Variants in FGF14 observed in about 807,000 individuals in gnomAD.
FGF14 encodes fibroblast growth factor 14.
In FGF14, 5 loss-of-function variants were observed where a neutral mutation model predicts 25.5. That is an observed-to-expected ratio of 0.20 (90% CI 0.10 to 0.41). The LOEUF is 0.41. FGF14 is among the 10% of genes least tolerant of loss of function. The pLI, the probability that FGF14 is intolerant of heterozygous loss-of-function variation, is 1.00. For missense variants in FGF14, 222 were observed against 320.1 expected, an observed-to-expected ratio of 0.69 and a Z score of 2.34; for synonymous variants, 138 against 118.3, an observed-to-expected ratio of 1.17 and a Z score of -1.08.
At chr13:102,163,936 A>G (rs2047889811) in intron 1 of FGF14, among the ~76,000 whole-genome samples, 2 of 152,134 alleles carry the variant, frequency 1.3e-5, no homozygotes, top group Admixed American at 6.6e-5. Flanking sequence ...AGAAATAGTG[A>G]AAACCTAACT....
intron 1 of FGF14, among the ~76,000 whole-genome samples, chr13:102,075,933 A>G (rs1117221): frequency 0.034 from 5,243 of 152,302 alleles, 287 homozygotes; most frequent in African/African-American, 0.12. Context: ...ACCTTACAGA[A>G]TAAGAATATA....
chr13:102,261,809 TAA>T (rs2052729849), intron 1 of FGF14, among the ~76,000 whole-genome samples: 1 of 152,174 alleles, frequency 6.6e-6, no homozygotes, highest in South Asian at 2.1e-4. Context: ...ACCCTAAAAA[TAA>T]AATAGGGGGT....
At chr13:102,122,463 A>C (rs1438091302) in intron 1 of FGF14, among the ~76,000 whole-genome samples, 1 of 152,174 alleles carries the variant, frequency 6.6e-6, no homozygotes, top group Non-Finnish European at 1.5e-5. Context: ...CCCCTTGCAT[A>C]GATATTATGA....
intron 3 of FGF14, among the ~76,000 whole-genome samples, chr13:101,796,454 G>A (rs1415359875): frequency 6.6e-6 from 1 of 151,808 alleles, no homozygotes; most frequent in Admixed American, 6.6e-5. Flanking sequence ...TGTTTTTGTG[G>A]CCTCTTACCA....
rs2057607560 is a variant in FGF14, at chr13:102,362,895, T to C, written c.208+38576A>G. Among the ~76,000 whole-genome samples, 3 of 152,230 alleles carry C rather than the reference T, an allele frequency of 2.0e-5. No individual in the cohort carries two copies. In the South Asian group the frequency reaches 6.2e-4, roughly 32 times the overall value. On this transcript the variant is annotated intron_variant, in intron 1 of 4. Transcript: ENST00000376131. ...TAATAACTATCTTTATCTAATCATATCATGAAGGGAAAAACTTACATGTTA... is the reference window on the plus strand; with the variant it reads ...TAATAACTATCTTTATCTAATCATACCATGAAGGGAAAAACTTACATGTTA...
chr13:101,980,935 G>C (rs929172245), intron 1 of FGF14, among the ~76,000 whole-genome samples: 1 of 152,116 alleles, frequency 6.6e-6, no homozygotes, highest in Non-Finnish European at 1.5e-5. Flanking sequence ...AACGGAGTAA[G>C]TACTGTTATA....
At chr13:102,147,227 G>C (rs2046890981) in intron 1 of FGF14, among the ~76,000 whole-genome samples, 1 of 152,216 alleles carries the variant, frequency 6.6e-6, no homozygotes, top group Admixed American at 6.5e-5. Flanking sequence ...TCAGACTGAA[G>C]TGACTGACCC....
intron 2 of FGF14, among the ~76,000 whole-genome samples, chr13:101,874,688 GT>G (rs898532036): frequency 2.0e-5 from 3 of 151,834 alleles, no homozygotes; most frequent in South Asian, 2.1e-4. Context: ...CAACCTTTAT[GT>G]TTTTTTCTAT....
chr13:102,111,224 T>G (rs1003066411), intron 1 of FGF14, among the ~76,000 whole-genome samples: 2 of 152,206 alleles, frequency 1.3e-5, no homozygotes, highest in African/African-American at 4.8e-5. Flanking sequence ...CTTCCATTGG[T>G]GGATGCTGGG....
intron 1 of FGF14, among the ~76,000 whole-genome samples, chr13:102,297,724 A>G (rs1254704680): frequency 7.2e-5 from 2 of 27,780 alleles, no homozygotes; most frequent in Non-Finnish European, 1.5e-4. Flanking sequence ...TACCTCTATA[A>G]AAAAAAAAAA....
At chr13:102,004,064 C>T (rs1042136600) in intron 1 of FGF14, among the ~76,000 whole-genome samples, 1 of 152,126 alleles carries the variant, frequency 6.6e-6, no homozygotes, top group Non-Finnish European at 1.5e-5. Context: ...CTGCTGAGTA[C>T]CAGATTTCAT....
chr13:101,958,187 G>A (rs970274429), intron 1 of FGF14, among the ~76,000 whole-genome samples: 5 of 152,158 alleles, frequency 3.3e-5, no homozygotes, highest in African/African-American at 1.2e-4. Flanking sequence ...TCTAAAGCAT[G>A]TTCTGTGTCT....
intron 3 of FGF14, among the ~76,000 whole-genome samples, chr13:101,765,997 G>T (rs1372752623): frequency 2.6e-5 from 4 of 152,112 alleles, no homozygotes; most frequent in Admixed American, 2.6e-4. Flanking sequence ...CCAAAGTGCT[G>T]GGATTACAGG....
chr13:102,033,064 T>C (rs955062861), intron 1 of FGF14, among the ~76,000 whole-genome samples: 5 of 152,106 alleles, frequency 3.3e-5, no homozygotes. Context: ...AAAAATGCCT[T>C]GAAATAAGAA....
At chr13:101,928,748 G>A (rs2476228) in intron 1 of FGF14, among the ~76,000 whole-genome samples, 3,396 of 152,184 alleles carry the variant, frequency 0.022, 119 homozygotes, top group African/African-American at 0.078. Context: ...GGTGTGCCAG[G>A]ACCTCTCCAT....
At chr13:102,341,934 T>C (rs2056964418) in intron 1 of FGF14, among the ~76,000 whole-genome samples, 1 of 152,160 alleles carries the variant, frequency 6.6e-6, no homozygotes, top group Admixed American at 6.6e-5. Flanking sequence ...CTCCATGTTG[T>C]CATCCAAACT....
chr13:102,046,354 A>G (rs952195502), intron 1 of FGF14, among the ~76,000 whole-genome samples: 1 of 152,184 alleles, frequency 6.6e-6, no homozygotes, highest in Non-Finnish European at 1.5e-5. Flanking sequence ...GGGAAAATTA[A>G]TGCTTATTGT....
At chr13:102,201,524 T>C (rs927521936) in intron 1 of FGF14, among the ~76,000 whole-genome samples, 4 of 152,202 alleles carry the variant, frequency 2.6e-5, no homozygotes, top group African/African-American at 9.6e-5. Context: ...AATTCTTCTG[T>C]TGTTTCACTG....
At chr13:101,949,527 C>T (rs1246709850) in intron 1 of FGF14, among the ~76,000 whole-genome samples, 1 of 152,104 alleles carries the variant, frequency 6.6e-6, no homozygotes, top group African/African-American at 2.4e-5. Flanking sequence ...TTGGTAAGTG[C>T]TGAAAAGTAA....
Sources: allele counts gnomAD v4.1 joint callset (sites outside exome capture counted in the v4.1 genomes callset), GRCh38; gene constraint gnomAD v4.1.1; transcripts MANE v1.5; gene names NCBI Gene and HGNC (gene_info 2026-07-23, HGNC 2026-07-21).